The following CDH18 variants were observed in gnomAD, a reference collection of about 807,000 sequenced individuals.
The protein encoded by CDH18 is cadherin 18.
In CDH18, 31 loss-of-function variants were observed where a neutral mutation model predicts 67.9. That is an observed-to-expected ratio of 0.46 (90% confidence interval 0.34 to 0.62). The LOEUF (loss-of-function observed/expected upper bound fraction) is 0.62, where lower values mean the gene tolerates loss of function less well. CDH18 is among the 20% of genes least tolerant of loss of function. CDH18 has a pLI of 0.01. For missense variants in CDH18, 890 were observed against 975.5 expected (o/e 0.91, Z 1.17); for synonymous variants, 362 against 347.2 (o/e 1.04, Z -0.48).
At chr5:19,714,456 A>G (rs1271525022) in intron 5 of CDH18, among the ~76,000 whole-genome samples, 1 of 152,026 alleles carries the variant, frequency 6.6e-6, no homozygotes, top group Non-Finnish European at 1.5e-5. Context: ...TCCTCACACA[A>G]TCTGCTGCAG....
intron 9 of CDH18, among the ~76,000 whole-genome samples, chr5:19,536,377 A>G (rs1749426098): frequency 6.6e-6 from 1 of 152,212 alleles, no homozygotes; most frequent in African/African-American, 2.4e-5. Context: ...AGGTCACTGA[A>G]AGATGAAAGG....
At chr5:19,629,778 T>C (rs538970935) in intron 5 of CDH18, among the ~76,000 whole-genome samples, 1 of 152,184 alleles carries the variant, frequency 6.6e-6, no homozygotes, top group African/African-American at 2.4e-5. Flanking sequence ...GTTGACTATA[T>C]AAATTTTTTT....
intron 2 of CDH18, among the ~76,000 whole-genome samples, chr5:20,157,875 T>C (rs557610026): frequency 9.9e-5 from 15 of 151,988 alleles, no homozygotes; most frequent in East Asian, 9.7e-4. Context: ...CTCCTGACCT[T>C]GTGATCTGCC....
chr5:19,945,698 T>C (rs899775106), intron 2 of CDH18, among the ~76,000 whole-genome samples: 3 of 152,126 alleles, frequency 2.0e-5, no homozygotes, highest in South Asian at 4.1e-4. Context: ...ATGGAAATTA[T>C]AGAACTGAAA....
Position 20,325,194 on chromosome 5 carries a change from G to A in CDH18, c.-579-69689C>T, listed in dbSNP as rs577717514. The stretch of plus-strand genomic sequence containing the variant: ...TCTCTCCGATGAATGCCTTTACTCT[G>A]TTTTATTAAACCAATCTTTAATAAG... On this transcript the variant is annotated intron_variant, in intron 1 of 14. Coordinates refer to the CDH18 transcript ENST00000507958. Among the ~76,000 whole-genome samples the A allele has an allele frequency of 3.3e-5, 5 of 152,278 alleles. No homozygotes were observed. The South Asian group carries it at 1.0e-3, about 32-fold the overall frequency.
At chr5:19,591,642 A>C (rs1745154536) in intron 6 of CDH18, among the ~76,000 whole-genome samples, 1 of 152,106 alleles carries the variant, frequency 6.6e-6, no homozygotes, top group Non-Finnish European at 1.5e-5. Flanking sequence ...AAATGTGGAA[A>C]CAAAAAGTAT....
intron 2 of CDH18, among the ~76,000 whole-genome samples, chr5:20,044,013 T>TTATCCAA (rs1164228302): frequency 6.6e-6 from 1 of 152,168 alleles, no homozygotes; most frequent in East Asian, 1.9e-4. Flanking sequence ...AAATGTAAGT[T>TTATCCAA]AGAAAGTGAA....
rs77146615 is a variant in CDH18 at position 19,606,201 on chromosome 5, A to C, written c.811+6233T>G. 8.9e-3 allele frequency among the ~76,000 whole-genome samples: 1,354 copies of C among 152,220 alleles called. 14 individuals are homozygous for C. Among genetic ancestry groups the C allele is most frequent in the Non-Finnish European group, 0.011 (728 of 67,982 alleles). On this transcript the variant is annotated intron_variant, in intron 6 of 12. Coordinates refer to ENST00000382275, the MANE Select transcript of CDH18 (RefSeq NM_004934.5). ...CTGATTTAAGTAATCCACACTGTATATGTCTGCAAGAAATAACTTGCCCCT... is the reference window on the plus strand; with the variant it reads ...CTGATTTAAGTAATCCACACTGTATCTGTCTGCAAGAAATAACTTGCCCCT...
intron 5 of CDH18, among the ~76,000 whole-genome samples, chr5:19,616,377 C>A (rs1409969047): frequency 1.3e-5 from 2 of 151,786 alleles, no homozygotes; most frequent in African/African-American, 4.8e-5. Flanking sequence ...GCAGAATGAT[C>A]GTTTTAATTA....
At chr5:19,767,945 T>C (rs1443077996) in intron 3 of CDH18, among the ~76,000 whole-genome samples, 1 of 152,190 alleles carries the variant, frequency 6.6e-6, no homozygotes, top group Non-Finnish European at 1.5e-5. Flanking sequence ...CTTCATATCT[T>C]CAACAATGAG....
intron 1 of CDH18, among the ~76,000 whole-genome samples, chr5:20,383,753 T>A (rs1744097135): frequency 6.6e-6 from 1 of 152,156 alleles, no homozygotes; most frequent in South Asian, 2.1e-4. Context: ...ACAAGCCATA[T>A]AATTACAGAA....
intron 2 of CDH18, among the ~76,000 whole-genome samples, chr5:20,153,673 T>C (rs1404042435): frequency 6.6e-6 from 1 of 152,208 alleles, no homozygotes; most frequent in Non-Finnish European, 1.5e-5. Context: ...GAAAGGCTTC[T>C]CTTCCTGTCT....
chr5:19,708,179 T>C (rs1011256384), intron 5 of CDH18, among the ~76,000 whole-genome samples: 1 of 152,142 alleles, frequency 6.6e-6, no homozygotes, highest in African/African-American at 2.4e-5. Flanking sequence ...CCTTTGGATA[T>C]TGCAAAATTA....
chr5:20,403,768 A>G (rs1745990691), intron 1 of CDH18, among the ~76,000 whole-genome samples: 1 of 152,318 alleles, frequency 6.6e-6, no homozygotes, highest in South Asian at 2.1e-4. Flanking sequence ...GCAAGTGACC[A>G]TTGGCTTCAT....
intron 1 of CDH18, among the ~76,000 whole-genome samples, chr5:20,471,853 C>CAAAAAAAAAAAAAAAAAAAAAAAA (rs1554005562): frequency 8.8e-5 from 5 of 56,516 alleles, no homozygotes; most frequent in South Asian, 1.1e-3. Flanking sequence ...AAAAAAAAAG[C>CAAAAAAAAAAAAAAAAAAAAAAAA]AAAAGCATTG....
chr5:20,493,166 T>G (rs557462635), intron 1 of CDH18, among the ~76,000 whole-genome samples: 1 of 151,684 alleles, frequency 6.6e-6, no homozygotes, highest in Non-Finnish European at 1.5e-5. Flanking sequence ...CTGGCCAACA[T>G]GGTGATGTCC....
intron 2 of CDH18, among the ~76,000 whole-genome samples, chr5:19,941,055 G>A (rs2150231166): frequency 6.6e-6 from 1 of 152,180 alleles, no homozygotes; most frequent in East Asian, 1.9e-4. Flanking sequence ...ATTCTGTGTT[G>A]AAACCTAATC....
At chr5:20,511,774 C>T (rs1165729014) in intron 1 of CDH18, among the ~76,000 whole-genome samples, 2 of 152,052 alleles carry the variant, frequency 1.3e-5, no homozygotes, top group African/African-American at 4.8e-5. Context: ...GATACATTTA[C>T]CTTTTCAGAG....
chr5:19,567,175 T>A (rs1005958397), intron 8 of CDH18, among the ~76,000 whole-genome samples: 1 of 152,144 alleles, frequency 6.6e-6, no homozygotes, highest in African/African-American at 2.4e-5. Flanking sequence ...TAGCCTGACA[T>A]GGTGACTACA....
Sources: gnomAD v4.1 joint callset for allele counts (sites outside exome capture counted in the v4.1 genomes callset) on GRCh38, gnomAD v4.1.1 for gene constraint, MANE v1.5 for transcripts, NCBI Gene and HGNC (gene_info 2026-07-23, HGNC 2026-07-21) for gene names.